Variants in FBN3 observed in about 807,000 individuals in gnomAD.
FBN3 encodes the protein fibrillin-3.
In FBN3, 234 loss-of-function variants were observed where a neutral mutation model predicts 330.1. The observed-to-expected ratio is 0.71, with a 90% CI of 0.64 to 0.79. FBN3 has a LOEUF of 0.79. FBN3 is among the 30% of genes least tolerant of loss of function. The pLI is 0.00. For missense variants in FBN3, 3,606 were observed against 3,886.9 expected (o/e 0.93, Z 1.92); for synonymous variants, 1,458 against 1,517.3 (o/e 0.96, Z 0.91).
Position 8,091,570 on chromosome 19 carries a change from C to G in FBN3, c.5926G>C (p.Glu1976Gln). The change falls in exon 48 of 64, where the codon GAG (glutamate) becomes CAG (glutamine). Residue 1976 changes from glutamate to glutamine, a missense_variant. Physicochemically the swap from Glu to Gln is conservative, Grantham distance 29 (BLOSUM62 2). Transcript: ENST00000600128. ...HCIDIDECSE[E>Q]PNLCLFGTCT... ...GTGCCAAAGAGGCAGAGGTTGGGCT[C>G]CTCTGAGCACTCGTCGATATCTGGA... The G allele has an allele frequency of 3.1e-6, 5 of 1,614,032 alleles. No individual in the cohort carries two copies. The highest frequency in any genetic ancestry group is 4.2e-6 in the Non-Finnish European group (5 of 1,179,946).
At chr19:8,103,293 G>C (rs941335572) in intron 39 of FBN3, among the ~76,000 whole-genome samples, 1 of 143,062 alleles carries the variant, frequency 7.0e-6, no homozygotes, top group African/African-American at 2.5e-5. Flanking sequence ...AAAGATTACT[G>C]GCTGGCTTGA....
chr19:8,090,161 C>A lies in FBN3; in HGVS notation c.6122G>T (p.Cys2041Phe), dbSNP rs1352034492. The A allele has an allele frequency of 3.1e-6, 5 of 1,613,966 alleles. No homozygotes were observed. The highest frequency in any genetic ancestry group is 1.1e-5 in the South Asian group (1 of 91,078). ...AFNTTKTRCC[C>F]SKRPGEGWGD... ...CCAGCCCTCCCCAGGCCTCTTACTGCAGCAGCAGCGGGTCTTGGTGGTGTT... is the reference window on the plus strand; with the variant it reads ...CCAGCCCTCCCCAGGCCTCTTACTGAAGCAGCAGCGGGTCTTGGTGGTGTT... Residue 2041 changes from cysteine (C) to phenylalanine (F), a missense_variant, in exon 49 of 64, where the codon TGC becomes TTC. Transcript: ENST00000600128.
chr19:8,087,858 A>G lies in FBN3; in HGVS notation c.6586T>C (p.Tyr2196His). The G allele has an allele frequency of 6.2e-7, 1 of 1,614,070 alleles. No homozygotes were observed. The highest frequency in any genetic ancestry group is 8.5e-7 in the Non-Finnish European group (1 of 1,179,970). ...ATGGCCCCATCCTCCCGCAGGGTGT[A>G]GCCGGCTGGACAGGTGCACAGGTAG... is the stretch of plus-strand genomic sequence containing the variant. The part of the protein sequence containing the change: ...GSYLCTCPAG[Y>H]TLREDGAMCR... The change falls in exon 53 of 64, where the codon TAC becomes CAC. Residue 2196 changes from tyrosine to histidine, a missense_variant. Coordinates refer to ENST00000600128, the MANE Select transcript of FBN3 (RefSeq NM_032447.5).
At chr19:8,130,632 GAAAGAAA>G (rs1568440278) in intron 16 of FBN3, among the ~76,000 whole-genome samples, 27 of 1,920 alleles carry the variant, frequency 0.014, 5 homozygotes, top group African/African-American at 0.03. Flanking sequence ...AAGAAAGAAA[GAAAGAAA>G]GAAAGGAAAG....
At chr19:8,102,213 T>A (rs927462868) in intron 40 of FBN3, among the ~76,000 whole-genome samples, 15 of 138,798 alleles carry the variant, frequency 1.1e-4, no homozygotes, top group Non-Finnish European at 1.8e-4. Context: ...CCTTTTTTTT[T>A]ATTTTTTTAT....
At chr19:8,130,982 C>T (rs1399720682) in intron 16 of FBN3, among the ~76,000 whole-genome samples, 2 of 152,092 alleles carry the variant, frequency 1.3e-5, no homozygotes, top group Non-Finnish European at 2.9e-5. Flanking sequence ...GGAGCCACCA[C>T]CAGAAGCTGG....
Position 8,111,732 on chromosome 19 carries a change from G to C in FBN3, c.4000C>G (p.Pro1334Ala). The change falls in exon 32 of 64, where the codon CCA becomes GCA. Residue 1334 changes from proline (P) to alanine (A), a missense_variant. Physicochemically the swap from Pro to Ala is conservative, Grantham distance 27. Coordinates refer to ENST00000600128, the MANE Select transcript of FBN3 (RefSeq NM_032447.5). ...GGGACATTGAGACAGTCACCTCTTGGGCTGCACCGGTGCTCCTGGGAGACG... is the reference window on the plus strand; with the variant it reads ...GGGACATTGAGACAGTCACCTCTTGCGCTGCACCGGTGCTCCTGGGAGACG... ...ECVSQEHRCS[P>A]RGDCLNVPGS... 2 of 1,612,582 alleles carry C rather than the reference G, an allele frequency of 1.2e-6. No individual in the cohort carries two copies. Among genetic ancestry groups the C allele is most frequent in the Non-Finnish European group, 1.7e-6 (2 of 1,178,956 alleles).
Position 8,123,801 on chromosome 19 carries a change from C to T in FBN3, c.2939G>A (p.Gly980Asp). The change falls in exon 23 of 64, where the codon GGC becomes GAC. Residue 980 changes from glycine to aspartate, a missense_variant. Coordinates refer to ENST00000600128, the MANE Select transcript of FBN3 (RefSeq NM_032447.5). The part of the protein sequence containing the change: ...LGFASRDFLS[G>D]RPFYKDVNEC... ...AACCGCACCTTTATAGAATGGTCGGCCAGACAGGAAGTCCCGGCTGGCGAA... is the reference window on the plus strand; with the variant it reads ...AACCGCACCTTTATAGAATGGTCGGTCAGACAGGAAGTCCCGGCTGGCGAA... 2 of 1,613,394 alleles carry T rather than the reference C, an allele frequency of 1.2e-6. No individual in the cohort carries two copies. Among genetic ancestry groups the T allele is most frequent in the Non-Finnish European group, 1.7e-6 (2 of 1,179,934 alleles).
Position 8,129,378 on chromosome 19 carries a change from G to A in FBN3, c.2045-13C>T, listed in dbSNP as rs2083072892. 6.2e-7 allele frequency: 1 copy of A among 1,613,516 alleles called. No homozygotes were observed. Among genetic ancestry groups the A allele is most frequent in the Non-Finnish European group, 8.5e-7 (1 of 1,179,732 alleles). On this transcript the variant is annotated splice_polypyrimidine_tract_variant and intron_variant, in intron 16 of 63. Coordinates refer to ENST00000600128, the MANE Select transcript of FBN3 (RefSeq NM_032447.5). This position sits in a 1 kb window ranked among gnomAD's most constrained non-coding sequence, Gnocchi z 4.5. ...CACTCGTTGATGTCTGCGGCAGGAGGAGGGTGTGTCAGCAGCAGCAGAAGG... is the reference window on the plus strand; with the variant it reads ...CACTCGTTGATGTCTGCGGCAGGAGAAGGGTGTGTCAGCAGCAGCAGAAGG...
At chr19:8,086,114 G>A (rs993886168) in intron 55 of FBN3, 86 bp downstream of exon 55, 1 of 1,047,366 alleles carries the variant, frequency 9.5e-7, no homozygotes, top group South Asian at 1.6e-5. Flanking sequence ...GGCAGGCAGT[G>A]GGGGGAACAG....
At chr19:8,093,428 C>T (rs1168857764) in intron 47 of FBN3, among the ~76,000 whole-genome samples, 1 of 152,012 alleles carries the variant, frequency 6.6e-6, no homozygotes, top group South Asian at 2.1e-4. Context: ...TCGAGAGCAT[C>T]CTGGCTAACA....
chr19:8,081,266 G>A, intron 58 of FBN3, 92 bp downstream of exon 58: 1 of 1,502,028 alleles, frequency 6.7e-7, no homozygotes, highest in African/African-American at 1.4e-5. Context: ...GATGGGAGGG[G>A]GTGAGATTGC....
At chr19:8,135,936 G>GGGGGGGGGGGGGGGGCCGC in intron 13 of FBN3, 25 bp downstream of exon 13, 1 of 668,778 alleles carries the variant, frequency 1.5e-6, no homozygotes, top group Non-Finnish European at 2.4e-6. Flanking sequence ...GGAAGCCCCT[G>GGGGGGGGGGGGGGGGCCGC]CCCACCCGCC....
intron 37 of FBN3, among the ~76,000 whole-genome samples, 169 bp downstream of exon 37, chr19:8,108,001 T>C (rs1290425228): frequency 6.6e-6 from 1 of 151,940 alleles, no homozygotes; most frequent in Non-Finnish European, 1.5e-5. Flanking sequence ...ATAAAAAAAA[T>C]TAAACACAAA....
At chr19:8,112,736 C>T (rs2086149) in intron 30 of FBN3, among the ~76,000 whole-genome samples, 54,021 of 152,116 alleles carry the variant, frequency 0.36, 10,168 homozygotes, top group South Asian at 0.54. Context: ...TGTCCACCAG[C>T]ATTTCCAATC....
chr19:8,143,067 CT>C (rs1320647480), intron 6 of FBN3, among the ~76,000 whole-genome samples: 1 of 152,150 alleles, frequency 6.6e-6, no homozygotes, highest in Non-Finnish European at 1.5e-5. Flanking sequence ...ATCTGAAAAT[CT>C]CACAAGCCTG....
Position 8,109,535 on chromosome 19 carries a change from A to G in FBN3, c.4456+96T>C. 2 of 1,543,686 alleles carry G rather than the reference A, an allele frequency of 1.3e-6. No homozygotes were observed. The highest frequency in any genetic ancestry group is 1.8e-6 in the Non-Finnish European group (2 of 1,136,138). On this transcript the variant is annotated intron_variant, in intron 35 of 63. Transcript: ENST00000600128. This position sits in a 1 kb window ranked among gnomAD's most constrained non-coding sequence, Gnocchi z 5.2. Reference sequence around the variant, plus strand: ...TGTCCCGTTTGTCAGGAGCAGGTAGATTTGAACACGTTGACATCTGAGTTA... The same window carrying G: ...TGTCCCGTTTGTCAGGAGCAGGTAGGTTTGAACACGTTGACATCTGAGTTA...
intron 38 of FBN3, among the ~76,000 whole-genome samples, chr19:8,104,790 C>A (rs531643335): frequency 6.6e-6 from 1 of 152,144 alleles, no homozygotes; most frequent in Admixed American, 6.5e-5. Context: ...AGAAAGCAGA[C>A]ACAAACAATA....
intron 36 of FBN3, among the ~76,000 whole-genome samples, chr19:8,108,826 T>C (rs1222775228): frequency 6.6e-6 from 1 of 152,154 alleles, no homozygotes; most frequent in Non-Finnish European, 1.5e-5. Context: ...GCTATGGGTA[T>C]GCCTCAAAGA....
Sources: gnomAD v4.1 joint callset for allele counts (sites outside exome capture counted in the v4.1 genomes callset) on GRCh38, gnomAD v4.1.1 for gene constraint, Gnocchi (gnomAD v3.1) non-coding constraint, MANE v1.5 for transcripts, NCBI Gene and HGNC (gene_info 2026-07-23, HGNC 2026-07-21) for gene names.